Variants in BIN1 observed in about 807,000 individuals in gnomAD.
BIN1 encodes the protein bridging integrator 1.
BIN1 carries 53 observed loss-of-function variants against 82.0 expected under a neutral mutation model. The ratio of observed to expected loss-of-function variants is 0.65; its 90% CI spans 0.52 to 0.81. The LOEUF (loss-of-function observed/expected upper bound fraction) is 0.81, where lower values mean the gene tolerates loss of function less well. Among genes scored for constraint, BIN1 ranks in the 40% least tolerant of loss-of-function variants. The probability of loss-of-function intolerance (pLI) is 0.00; values close to 1 mark genes in which losing one functional copy is unlikely to be tolerated. For synonymous variants in BIN1, 302 were observed against 328.0 expected, an observed-to-expected ratio of 0.92 and a Z score of 0.86; for missense variants, 642 against 784.4, an observed-to-expected ratio of 0.82 and a Z score of 2.17.
At chr2:127,103,279 C>T (rs1680587313) in intron 1 of BIN1, among the ~76,000 whole-genome samples, 1 of 152,180 alleles carries the variant, frequency 6.6e-6, no homozygotes, top group Non-Finnish European at 1.5e-5. Flanking sequence ...CCTGGCTCCT[C>T]CGGAGGAGGC....
At chr2:127,053,803 G>T in intron 13 of BIN1, 102 bp downstream of exon 13, 1 of 1,166,942 alleles carries the variant, frequency 8.6e-7, no homozygotes, top group Non-Finnish European at 1.2e-6. Flanking sequence ...GAAGGGCAGT[G>T]ACCCAGGCCT....
intron 1 of BIN1, among the ~76,000 whole-genome samples, chr2:127,085,412 A>G (rs143955472): frequency 4.6e-5 from 7 of 152,364 alleles, no homozygotes; most frequent in Non-Finnish European, 7.3e-5. Flanking sequence ...GGCCCCACAC[A>G]GCAGCACAAG....
chr2:127,095,923 T>A (rs1679542843), intron 1 of BIN1, among the ~76,000 whole-genome samples: 4 of 152,162 alleles, frequency 2.6e-5, no homozygotes, highest in Admixed American at 2.6e-4. Context: ...CCATTCTCAC[T>A]TACAGGAGTC....
chr2:127,050,416 C>T lies in BIN1; in HGVS notation c.1674+5G>A. The T allele has an allele frequency of 6.2e-7, 1 of 1,614,132 alleles. No individual in the cohort carries two copies. Among genetic ancestry groups the T allele is most frequent in the Non-Finnish European group, 8.5e-7 (1 of 1,180,016 alleles). ...TGCGCTCTGGCGGCCCCACCCAGCC[C>T]TCACCTGCTCTTCAGGGTTCTGGAA... is the stretch of plus-strand genomic sequence containing the variant. On this transcript the variant is annotated splice_donor_5th_base_variant and intron_variant, in intron 18 of 18. Coordinates refer to ENST00000316724, the MANE Select transcript of BIN1 (RefSeq NM_139343.3).
At chr2:127,102,546 T>C (rs571929979) in intron 1 of BIN1, among the ~76,000 whole-genome samples, 1 of 152,264 alleles carries the variant, frequency 6.6e-6, no homozygotes, top group Non-Finnish European at 1.5e-5. Context: ...TGGAATGCCT[T>C]CTCCTTCCCC....
intron 1 of BIN1, among the ~76,000 whole-genome samples, chr2:127,105,459 G>A (rs992884424): frequency 7.8e-6 from 1 of 127,410 alleles, no homozygotes; most frequent in African/African-American, 2.9e-5. Flanking sequence ...TATTCCTGGG[G>A]CTTTAATCCC....
At position 127,053,948 on chromosome 2, in the gene BIN1, G is replaced by A. The variant is rs558530329; in HGVS notation, c.1196C>T (p.Pro399Leu). The change falls in exon 13 of 19, where the codon CCG becomes CTG. Residue 399 changes from proline to leucine, a missense_variant. Coordinates refer to ENST00000316724, the MANE Select transcript of BIN1 (RefSeq NM_139343.3). ...TGCCTTCACAGGGCTCGTCACGGGC[G>A]GGAGGGGGTCAAAGTCCAGGTCCAG... ...SLLDLDFDPL[P>L]PVTSPVKAPT... 8.8e-5 allele frequency: 136 copies of A among 1,551,638 alleles called. No individual in the cohort carries two copies. Among genetic ancestry groups the A allele is most frequent in the Non-Finnish European group, 1.1e-4 (128 of 1,147,136 alleles).
At chr2:127,053,831 C>T in intron 13 of BIN1, 74 bp downstream of exon 13, 13 of 1,443,346 alleles carry the variant, frequency 9.0e-6, no homozygotes, top group Non-Finnish European at 1.0e-5. Context: ...GTCACGTGGC[C>T]AATAGGCAAC....
At chr2:127,101,409 A>G (rs749009) in intron 1 of BIN1, among the ~76,000 whole-genome samples, 6,317 of 151,674 alleles carry the variant, frequency 0.042, 147 homozygotes, top group Middle Eastern at 0.083. Flanking sequence ...CCACATCTCA[A>G]TCCTCAACCT....
intron 17 of BIN1, 65 bp downstream of exon 17, chr2:127,050,737 C>T: frequency 1.3e-6 from 2 of 1,551,804 alleles, no homozygotes; most frequent in Non-Finnish European, 1.8e-6. Flanking sequence ...TCTCCTGAGG[C>T]TCAGGGTTCT....
Position 127,057,151 on chromosome 2 carries a change from C to G in BIN1, c.1131+322G>C, listed in dbSNP as rs1036138225. On this transcript the variant is annotated intron_variant, in intron 12 of 18. Transcript: ENST00000316724. This position sits in a 1 kb window ranked among gnomAD's most constrained non-coding sequence, Gnocchi z 5.0. Reference sequence around the variant, plus strand: ...TGGCCCTGGAAGCCTTCCCTGACAGCCACACGTCCTCCACACTCCCCGATC... The same window carrying G: ...TGGCCCTGGAAGCCTTCCCTGACAGGCACACGTCCTCCACACTCCCCGATC... Among the ~76,000 whole-genome samples the G allele has an allele frequency of 8.5e-5, 13 of 152,228 alleles. No homozygotes were observed. The highest frequency in any genetic ancestry group is 3.1e-4 in the African/African-American group (13 of 41,466).
At chr2:127,061,983 A>T in intron 10 of BIN1, 132 bp downstream of exon 10, 1 of 994,460 alleles carries the variant, frequency 1.0e-6, no homozygotes, top group Non-Finnish European at 1.5e-6. Context: ...AGAGAGGCCA[A>T]GACAGGAAGG....
Position 127,068,960 on chromosome 2 carries a change from T to C in BIN1, c.483A>G (p.Gln161=). Residue 161 remains glutamine (Q), a synonymous_variant, in exon 6 of 19, where the codon CAA becomes CAG. Coordinates refer to ENST00000316724, the MANE Select transcript of BIN1 (RefSeq NM_139343.3). The surrounding 1 kb of genome is among the most constrained non-coding windows in gnomAD (Gnocchi z 4.9). ...DSARHHYESL[Q]TAKKKDEAKI... is the part of the protein sequence containing the mutation. ...TGGCTTCATCCTTCTTTTTGGCAGT[T>C]TGAAGGGACTCGTAGTGGTGCCGGG... The C allele has an allele frequency of 6.2e-7, 1 of 1,614,164 alleles. No homozygotes were observed. Among genetic ancestry groups the C allele is most frequent in the Non-Finnish European group, 8.5e-7 (1 of 1,180,024 alleles).
At chr2:127,103,616 G>A (rs928297793) in intron 1 of BIN1, among the ~76,000 whole-genome samples, 1 of 152,170 alleles carries the variant, frequency 6.6e-6, no homozygotes, top group African/African-American at 2.4e-5. Context: ...GCTCCGTCAG[G>A]CCGGCTCCAT....
intron 2 of BIN1, among the ~76,000 whole-genome samples, chr2:127,076,351 ATTG>A (rs1686607371): frequency 6.6e-6 from 1 of 151,008 alleles, no homozygotes; most frequent in Admixed American, 6.6e-5. Flanking sequence ...GCCACAATCT[ATTG>A]CCTGCTCCTA....
chr2:127,106,663 G>A (rs1681173392), intron 1 of BIN1, among the ~76,000 whole-genome samples, 197 bp downstream of exon 1: 1 of 152,138 alleles, frequency 6.6e-6, no homozygotes, highest in African/African-American at 2.4e-5. Flanking sequence ...GACAGAGGAC[G>A]CAAACCTAAG....
chr2:127,086,798 G>A (rs1678228796), intron 1 of BIN1, among the ~76,000 whole-genome samples: 3 of 151,544 alleles, frequency 2.0e-5, no homozygotes, highest in South Asian at 2.1e-4. Context: ...GAGCCACCGC[G>A]TCCAGACAGT....
chr2:127,053,158 C>G lies in BIN1; in HGVS notation c.1263+264G>C, dbSNP rs578142675. The G allele has an allele frequency of 1.6e-4, 89 of 560,676 alleles. 2 individuals carry two copies. In the South Asian group the frequency reaches 1.6e-3, roughly 10 times the overall value. 34.7% of individuals were successfully genotyped at this position (560,676 alleles called of 1,614,324 possible). A position where few individuals can be genotyped will look rare whatever the true frequency, so the allele number is the denominator to read the frequency against. On this transcript the variant is annotated intron_variant, in intron 14 of 18. Coordinates refer to ENST00000316724, the MANE Select transcript of BIN1 (RefSeq NM_139343.3). ...GGCAAACACTCACAGGCTGTGAAAA[C>G]AGGACCAGATCTCAGGGGACCCCTG... is the stretch of plus-strand genomic sequence containing the variant.
chr2:127,063,506 C>T (rs1306770959), intron 9 of BIN1, 65 bp downstream of exon 9: 12 of 1,533,746 alleles, frequency 7.8e-6, no homozygotes, highest in Non-Finnish European at 8.9e-6. Context: ...GCCCCTCCCA[C>T]GACTCTGACT....
Sources: gnomAD v4.1 joint callset for allele counts (sites outside exome capture counted in the v4.1 genomes callset) on GRCh38, gnomAD v4.1.1 for gene constraint, Gnocchi (gnomAD v3.1) non-coding constraint, MANE v1.5 for transcripts, NCBI Gene and HGNC (gene_info 2026-07-23, HGNC 2026-07-21) for gene names.